Variants in ARID4B observed in about 807,000 individuals in gnomAD.
ARID4B encodes the protein AT-rich interaction domain 4B.
ARID4B carries 26 observed loss-of-function variants against 147.5 expected under a neutral mutation model. That is an observed-to-expected ratio of 0.18 (90% CI 0.13 to 0.24). The LOEUF (loss-of-function observed/expected upper bound fraction) is 0.24, where lower values mean the gene tolerates loss of function less well. Ranked by LOEUF, ARID4B falls within the 10% of genes least tolerant of loss-of-function variation. ARID4B has a pLI of 1.00. For missense variants in ARID4B, 1,179 were observed against 1,511.5 expected (o/e 0.78, Z 3.65); for synonymous variants, 512 against 507.9 (o/e 1.01, Z -0.11).
chr1:235,319,486 G>C (rs931245879), intron 2 of ARID4B, among the ~76,000 whole-genome samples: 2 of 152,162 alleles, frequency 1.3e-5, no homozygotes, highest in Non-Finnish European at 1.5e-5. Context: ...ACTCCTGCCT[G>C]GGCAACAGAC....
At chr1:235,250,994 G>C (rs1222105220) in intron 6 of ARID4B, among the ~76,000 whole-genome samples, 3 of 152,110 alleles carry the variant, frequency 2.0e-5, no homozygotes, top group African/African-American at 7.2e-5. Context: ...GTACGGAAAT[G>C]AAATTAAAAT....
At chr1:235,219,034 T>C (rs750085614) in intron 16 of ARID4B, among the ~76,000 whole-genome samples, 5 of 152,016 alleles carry the variant, frequency 3.3e-5, no homozygotes, top group Admixed American at 6.6e-5. Flanking sequence ...CCTGACTTCT[T>C]TGTATTTTTA....
intron 17 of ARID4B, among the ~76,000 whole-genome samples, chr1:235,212,678 A>C (rs879754424): frequency 7.2e-5 from 11 of 152,210 alleles, no homozygotes; most frequent in African/African-American, 2.7e-4. Flanking sequence ...CTATGAGTAC[A>C]TTTATATGTA....
chr1:235,280,061 C>T (rs1671569899), intron 2 of ARID4B, among the ~76,000 whole-genome samples: 1 of 152,114 alleles, frequency 6.6e-6, no homozygotes, highest in Admixed American at 6.5e-5. Context: ...CCTGTGAGCG[C>T]ACCTTGTGAA....
chr1:235,230,535 T>C (rs921660188), intron 10 of ARID4B, among the ~76,000 whole-genome samples: 1 of 141,796 alleles, frequency 7.1e-6, no homozygotes, highest in Non-Finnish European at 1.5e-5. Flanking sequence ...TAGATTATAG[T>C]AACAGCTGAC....
chr1:235,201,490 AT>A (rs942794771), intron 17 of ARID4B, among the ~76,000 whole-genome samples: 1 of 151,994 alleles, frequency 6.6e-6, no homozygotes, highest in Admixed American at 6.6e-5. Flanking sequence ...CACCTGGATA[AT>A]TTTTTTATAT....
intron 11 of ARID4B, among the ~76,000 whole-genome samples, chr1:235,225,843 T>C (rs1248407989): frequency 6.6e-6 from 1 of 152,238 alleles, no homozygotes; most frequent in Non-Finnish European, 1.5e-5. Flanking sequence ...AAAGGTAATT[T>C]TTTTTTTAAA....
intron 19 of ARID4B, among the ~76,000 whole-genome samples, chr1:235,188,270 C>A (rs1664833293): frequency 6.6e-6 from 1 of 152,106 alleles, no homozygotes; most frequent in East Asian, 1.9e-4. Context: ...AGTCAGAAAG[C>A]AGATAAATGA....
chr1:235,169,965 C>T lies in ARID4B; in HGVS notation c.3812-1313G>A, dbSNP rs187011644. ...GCGTGAGCAATTGCGCCCGGCCTCT[C>T]TGTTATAAATTAGTGTTCATAAATT... On this transcript the variant is annotated intron_variant, in intron 23 of 23. Transcript: ENST00000264183. 1.3e-3 allele frequency among the ~76,000 whole-genome samples: 194 copies of T among 152,138 alleles called. 2 individuals are homozygous for T. Among genetic ancestry groups the T allele is most frequent in the East Asian group, 3.9e-3 (20 of 5,182 alleles).
At position 235,182,665 on chromosome 1, in the gene ARID4B, CCTT is replaced by C. The variant is rs751890465; in HGVS notation, c.2251_2253del (p.Lys751del). The C allele has an allele frequency of 2.5e-6, 4 of 1,613,794 alleles. No individual in the cohort carries two copies. The highest frequency in any genetic ancestry group is 3.4e-6 in the Non-Finnish European group (4 of 1,180,014). Reference sequence around the variant, plus strand: ...AGCAAAGATGAACTGTTCTGTTCCTCCTTTGAAATAAGATCATTTCTGTTGTTG... The same window carrying C: ...AGCAAAGATGAACTGTTCTGTTCCTCTGAAATAAGATCATTTCTGTTGTTG... On this transcript the variant is annotated inframe_deletion, in exon 20 of 24. Coordinates refer to ENST00000264183, the MANE Select transcript of ARID4B (RefSeq NM_016374.6).
Position 235,240,294 on chromosome 1 carries a change from G to T in ARID4B, c.585+19C>A. On this transcript the variant is annotated intron_variant, in intron 8 of 23. Coordinates refer to ENST00000264183, the MANE Select transcript of ARID4B (RefSeq NM_016374.6). ...TTATAAAGTTTGAAATTAAACTCTT[G>T]TATACTGAAGCTACTCACCAATGCA... is the stretch of plus-strand genomic sequence containing the variant. 6.3e-7 allele frequency: 1 copy of T among 1,595,722 alleles called. No homozygotes were observed. Among genetic ancestry groups the T allele is most frequent in the Non-Finnish European group, 8.5e-7 (1 of 1,172,378 alleles).
intron 16 of ARID4B, among the ~76,000 whole-genome samples, chr1:235,214,701 C>G (rs1666936315): frequency 6.6e-6 from 1 of 152,120 alleles, no homozygotes; most frequent in African/African-American, 2.4e-5. Context: ...ACAATTTCTA[C>G]TCTCATTACC....
chr1:235,205,270 A>G (rs960098858), intron 17 of ARID4B, among the ~76,000 whole-genome samples: 3 of 152,238 alleles, frequency 2.0e-5, no homozygotes, highest in African/African-American at 7.2e-5. Context: ...AGAGCAGGAA[A>G]GAACAAAGAA....
chr1:235,311,337 G>T, intron 2 of ARID4B, among the ~76,000 whole-genome samples: 1 of 147,610 alleles, frequency 6.8e-6, no homozygotes, highest in Non-Finnish European at 1.5e-5. Flanking sequence ...GGGTGACAGA[G>T]CAAGACCCTG....
chr1:235,186,939 G>C (rs756925614), intron 19 of ARID4B: 23 of 240,878 alleles, frequency 9.5e-5, no homozygotes, highest in Non-Finnish European at 1.7e-4. Context: ...CAAGTGATCT[G>C]CCCACCTTGG....
intron 7 of ARID4B, among the ~76,000 whole-genome samples, chr1:235,246,125 CATGAT>C (rs1669285942): frequency 6.6e-6 from 1 of 152,082 alleles, no homozygotes; most frequent in Non-Finnish European, 1.5e-5. Flanking sequence ...TGAATAAAAG[CATGAT>C]ATTAGAAAAC....
intron 2 of ARID4B, among the ~76,000 whole-genome samples, chr1:235,265,114 C>T (rs973914559): frequency 7.9e-5 from 12 of 151,422 alleles, no homozygotes; most frequent in Admixed American, 7.9e-4. Flanking sequence ...TATAATAATC[C>T]CAGCACTTTG....
intron 2 of ARID4B, among the ~76,000 whole-genome samples, chr1:235,309,093 T>C (rs1378354719): frequency 2.2e-5 from 3 of 133,578 alleles, no homozygotes; most frequent in Admixed American, 1.5e-4. Context: ...CGGCCGCCCA[T>C]TGTCTGAGAT....
Position 235,260,651 on chromosome 1 carries a change from G to A in ARID4B, c.108C>T (p.Val36=), listed in dbSNP as rs773856481. The A allele has an allele frequency of 6.2e-7, 1 of 1,602,330 alleles. No individual in the cohort carries two copies. The highest frequency in any genetic ancestry group is 1.7e-5 in the Admixed American group (1 of 57,666). The change falls in exon 3 of 24, where the codon GTC becomes GTT. Residue 36 remains valine (V), a synonymous_variant. Coordinates refer to ENST00000264183, the MANE Select transcript of ARID4B (RefSeq NM_016374.6). ...EAKIKTAKRL[V]KVKVTFRHDS... Reference sequence around the variant, plus strand: ...TCTATAAATACTGTACCTTGACTTTGACAAGTCTTTTTGCTGTCTTGATCT... The same window carrying A: ...TCTATAAATACTGTACCTTGACTTTAACAAGTCTTTTTGCTGTCTTGATCT...
Sources: gnomAD v4.1 joint callset for allele counts (sites outside exome capture counted in the v4.1 genomes callset) on GRCh38, gnomAD v4.1.1 for gene constraint, MANE v1.5 for transcripts, NCBI Gene and HGNC (gene_info 2026-07-23, HGNC 2026-07-21) for gene names.